Variants in SMIM14 observed in about 807,000 individuals in gnomAD.
SMIM14 encodes chromosome 4 open reading frame 34.
In SMIM14, 5 loss-of-function variants were observed where a neutral mutation model predicts 12.6. The ratio of observed to expected loss-of-function variants is 0.40; its 90% CI spans 0.21 to 0.83. SMIM14 has a LOEUF of 0.83. Among genes scored for constraint, SMIM14 ranks in the 40% least tolerant of loss-of-function variants. The pLI is 0.37. For missense variants in SMIM14, 86 were observed against 119.1 expected, an observed-to-expected ratio of 0.72 and a Z score of 1.29; for synonymous variants, 30 against 40.1, an observed-to-expected ratio of 0.75 and a Z score of 0.95.
At chr4:39,621,768 C>T (rs1715502785) in intron 1 of SMIM14, among the ~76,000 whole-genome samples, 1 of 145,958 alleles carries the variant, frequency 6.9e-6, no homozygotes, top group South Asian at 2.3e-4. Context: ...TCATGACTCA[C>T]TGCATCCTTG....
intron 1 of SMIM14, chr4:39,621,215 A>C (rs549443285): frequency 5.3e-5 from 8 of 152,330 alleles, no homozygotes; most frequent in African/African-American, 1.9e-4. Context: ...TCCATCCATT[A>C]AAGTACAGAG....
chr4:39,617,873 A>G (rs1243438896), intron 1 of SMIM14, among the ~76,000 whole-genome samples: 1 of 152,262 alleles, frequency 6.6e-6, no homozygotes, highest in Non-Finnish European at 1.5e-5. Flanking sequence ...AGTTTAAAAT[A>G]AAAGCAAATG....
In SMIM14 at chr4:39,558,469, T is replaced by G. The variant is rs1036176254; in HGVS notation, c.125-1899A>C. ...GTAAAGCAAACAAGCCTTTTTGTTCTTTGTACAATCAGTGAGCTCCCAGGA... is the reference window on the plus strand; with the variant it reads ...GTAAAGCAAACAAGCCTTTTTGTTCGTTGTACAATCAGTGAGCTCCCAGGA... On this transcript the variant is annotated intron_variant, in intron 3 of 4. Coordinates refer to ENST00000295958, the MANE Select transcript of SMIM14 (RefSeq NM_174921.3). The surrounding 1 kb of genome is among the most constrained non-coding windows in gnomAD (Gnocchi z 4.3). Among the ~76,000 whole-genome samples, 1 of 152,214 alleles carries G rather than the reference T, an allele frequency of 6.6e-6. No homozygotes were observed. The highest frequency in any genetic ancestry group is 2.1e-4 in the South Asian group (1 of 4,830).
At chr4:39,611,332 C>T (rs1335890578) in intron 1 of SMIM14, among the ~76,000 whole-genome samples, 3 of 152,082 alleles carry the variant, frequency 2.0e-5, no homozygotes, top group Non-Finnish European at 2.9e-5. Flanking sequence ...ATGGCCAAAC[C>T]CCGTCTCTAC....
At position 39,599,643 on chromosome 4, in the gene SMIM14, G is replaced by C. The variant is rs574038537; in HGVS notation, c.75+5428C>G. Among the ~76,000 whole-genome samples the C allele has an allele frequency of 9.2e-5, 14 of 152,298 alleles. 2 individuals are homozygous for C. In the South Asian group the frequency reaches 2.9e-3, roughly 32 times the overall value. On this transcript the variant is annotated intron_variant, in intron 2 of 4. Coordinates refer to ENST00000295958, the MANE Select transcript of SMIM14 (RefSeq NM_174921.3). ...GATGTGGGTTGAAAGAAGAGGGTAG[G>C]CTGGGCACAGTGGCTCACACCTGTA...
In SMIM14 at chr4:39,584,798, A is replaced by AAT. The variant is rs1713705133; in HGVS notation, c.76-12336_76-12335insAT. Among the ~76,000 whole-genome samples, 3 of 147,056 alleles carry AAT rather than the reference A, an allele frequency of 2.0e-5. No individual in the cohort carries two copies. The East Asian group carries it at 5.8e-4, about 28-fold the overall frequency. ...GTAATCAAGCAGGACCTTGTCAAAA[A>AAT]AAAAAAAAAAAAAGAAAAAAGAAAA... On this transcript the variant is annotated intron_variant, in intron 2 of 4. Coordinates refer to ENST00000295958, the MANE Select transcript of SMIM14 (RefSeq NM_174921.3).
intron 3 of SMIM14, among the ~76,000 whole-genome samples, chr4:39,566,036 CTGTCTTGGGTA>C: frequency 6.6e-6 from 1 of 151,632 alleles, no homozygotes; most frequent in South Asian, 2.1e-4. Context: ...GTAAATTGCC[CTGTCTTGGGTA>C]TGTCTTAAAT....
rs113697996 is a variant in SMIM14 at position 39,549,482 on chromosome 4, C to A, written c.*2644G>T. The A allele has an allele frequency of 0.023, 3,523 of 152,216 alleles. 62 individuals carry two copies. The highest frequency in any genetic ancestry group is 0.036 in the Non-Finnish European group (2,447 of 68,050). 9.4% of individuals were successfully genotyped at this position (152,216 alleles called of 1,614,324 possible). ...AGGCACGGGGTTTCACCGTCTTGGCCAGGCTGGTCTCAACCTCCTGACCTC... is the reference window on the plus strand; with the variant it reads ...AGGCACGGGGTTTCACCGTCTTGGCAAGGCTGGTCTCAACCTCCTGACCTC... On this transcript the variant is annotated 3_prime_UTR_variant, in exon 5 of 5. Transcript: ENST00000295958.
chr4:39,584,066 G>T (rs1274442689), intron 2 of SMIM14: 1 of 151,902 alleles, frequency 6.6e-6, no homozygotes, highest in Non-Finnish European at 1.5e-5. Flanking sequence ...TTCAATTCAA[G>T]TCTTCCTGGA....
At chr4:39,595,941 T>C (rs1022574477) in intron 2 of SMIM14, among the ~76,000 whole-genome samples, 22 of 152,082 alleles carry the variant, frequency 1.4e-4, no homozygotes, top group Non-Finnish European at 2.8e-4. Flanking sequence ...TGTATATATC[T>C]GTACAAGGTG....
chr4:39,603,161 C>T (rs1024676925), intron 2 of SMIM14, among the ~76,000 whole-genome samples: 1 of 152,084 alleles, frequency 6.6e-6, no homozygotes, highest in African/African-American at 2.4e-5. Context: ...CCTCTGGTCC[C>T]AAGCATTTCG....
At chr4:39,618,055 T>A (rs1715287253) in intron 1 of SMIM14, among the ~76,000 whole-genome samples, 1 of 152,058 alleles carries the variant, frequency 6.6e-6, no homozygotes. Flanking sequence ...AGGAGAGAAG[T>A]AAGAGAGAAT....
At chr4:39,574,822 G>A (rs900638957) in intron 2 of SMIM14, among the ~76,000 whole-genome samples, 3 of 152,048 alleles carry the variant, frequency 2.0e-5, no homozygotes, top group African/African-American at 7.2e-5. Flanking sequence ...GCTTGCTTTG[G>A]TGTATACTAC....
At chr4:39,590,252 A>G (rs1027693812) in intron 2 of SMIM14, among the ~76,000 whole-genome samples, 2 of 151,820 alleles carry the variant, frequency 1.3e-5, no homozygotes, top group Admixed American at 1.3e-4. Context: ...CGTCTCTACT[A>G]AAAATACAAA....
At chr4:39,618,661 A>C (rs1266846700) in intron 1 of SMIM14, among the ~76,000 whole-genome samples, 20 of 151,012 alleles carry the variant, frequency 1.3e-4, no homozygotes, top group African/African-American at 4.9e-4. Context: ...AAAAAAAAAA[A>C]AAACAAAAAA....
At chr4:39,623,570 T>A (rs1459888300) in intron 1 of SMIM14, among the ~76,000 whole-genome samples, 6 of 152,034 alleles carry the variant, frequency 3.9e-5, no homozygotes, top group Non-Finnish European at 7.4e-5. Flanking sequence ...CTTTCCATGT[T>A]AAAAATAGGC....
chr4:39,613,010 G>C (rs983726362), intron 1 of SMIM14, among the ~76,000 whole-genome samples: 2 of 152,112 alleles, frequency 1.3e-5, no homozygotes, highest in Non-Finnish European at 2.9e-5. Flanking sequence ...TAAAGAAAGG[G>C]AGACTTGTTT....
At chr4:39,577,784 C>T (rs914302175) in intron 2 of SMIM14, among the ~76,000 whole-genome samples, 6 of 152,074 alleles carry the variant, frequency 3.9e-5, no homozygotes, top group Non-Finnish European at 7.3e-5. Context: ...CAAACACAAT[C>T]AAGAATGAAA....
intron 1 of SMIM14, among the ~76,000 whole-genome samples, chr4:39,636,233 T>C (rs1182019527): frequency 6.7e-6 from 1 of 149,992 alleles, no homozygotes; most frequent in Non-Finnish European, 1.5e-5. Flanking sequence ...TTCCAGGACC[T>C]TACTGCCTGG....
Sources: allele counts gnomAD v4.1 joint callset (sites outside exome capture counted in the v4.1 genomes callset), GRCh38; gene constraint gnomAD v4.1.1; non-coding constraint Gnocchi (gnomAD v3.1); transcripts MANE v1.5; gene names NCBI Gene and HGNC (gene_info 2026-07-23, HGNC 2026-07-21).